TASP1: variants seen among roughly 807,000 people sequenced by gnomAD.
TASP1 encodes taspase 1.
In TASP1, 16 loss-of-function variants were observed where a neutral mutation model predicts 56.6. The ratio of observed to expected loss-of-function variants is 0.28; its 90% CI spans 0.19 to 0.43. The LOEUF is 0.43. Ranked by LOEUF, TASP1 falls within the 20% of genes least tolerant of loss-of-function variation. The pLI, the probability that TASP1 is intolerant of heterozygous loss-of-function variation, is 1.00. For missense variants in TASP1, 393 were observed against 511.6 expected (o/e 0.77, Z 2.24); for synonymous variants, 179 against 184.2 (o/e 0.97, Z 0.23).
chr20:13,205,728 A>G, the TASP1 span, among the ~76,000 whole-genome samples: 1 of 152,114 alleles, frequency 6.6e-6, no homozygotes, highest in Non-Finnish European at 1.5e-5. Flanking sequence ...TTAGGGCTTC[A>G]ATGCATGAAT....
the TASP1 span, among the ~76,000 whole-genome samples, chr20:13,273,074 T>C: frequency 6.6e-6 from 1 of 152,316 alleles, no homozygotes; most frequent in African/African-American, 2.4e-5. Flanking sequence ...TGCCGGGGAC[T>C]GTTCCTTCAT....
intron 8 of TASP1, among the ~76,000 whole-genome samples, chr20:13,551,217 CTTGT>C (rs2045971997): frequency 6.6e-6 from 1 of 152,090 alleles, no homozygotes; most frequent in East Asian, 1.9e-4. Flanking sequence ...AATTTTTTAA[CTTGT>C]TTATTAAAAA....
At chr20:13,253,721 T>C in the TASP1 span, among the ~76,000 whole-genome samples, 342 of 152,282 alleles carry the variant, frequency 2.2e-3, 3 homozygotes, top group African/African-American at 7.3e-3. Context: ...GGCCCCCATT[T>C]TGAGAACACA....
the TASP1 span, chr20:13,164,452 A>G: frequency 1.6e-5 from 8 of 508,048 alleles, no homozygotes; most frequent in Admixed American, 1.9e-4. Context: ...ACATTTTAAA[A>G]TAAAACCTTT....
At chr20:13,272,757 T>A in the TASP1 span, among the ~76,000 whole-genome samples, 3 of 152,166 alleles carry the variant, frequency 2.0e-5, no homozygotes, top group African/African-American at 7.2e-5. Flanking sequence ...ATGGAACCCT[T>A]TGGAATAGGT....
At chr20:13,332,128 T>C in the TASP1 span, among the ~76,000 whole-genome samples, 2 of 152,222 alleles carry the variant, frequency 1.3e-5, no homozygotes, top group Non-Finnish European at 2.9e-5. Flanking sequence ...GGACAATTTC[T>C]GACAATGTTC....
At chr20:13,422,095 G>A (rs553720624) in intron 12 of TASP1, among the ~76,000 whole-genome samples, 57 of 151,876 alleles carry the variant, frequency 3.8e-4, no homozygotes, top group Admixed American at 2.4e-3. Flanking sequence ...CGGACTACAG[G>A]CGCCCACCAC....
intron 4 of TASP1, among the ~76,000 whole-genome samples, chr20:13,613,395 T>C (rs8118084): frequency 5.5e-4 from 83 of 152,268 alleles, no homozygotes; most frequent in African/African-American, 1.8e-3. Flanking sequence ...TATGAACGTG[T>C]TGTGCCGAAA....
the TASP1 span, among the ~76,000 whole-genome samples, chr20:13,298,243 T>C: frequency 6.6e-6 from 1 of 152,142 alleles, no homozygotes; most frequent in Non-Finnish European, 1.5e-5. Flanking sequence ...GTAGCTGGGA[T>C]TACAGGCGCA....
At chr20:13,272,325 A>G in the TASP1 span, among the ~76,000 whole-genome samples, 5 of 152,186 alleles carry the variant, frequency 3.3e-5, no homozygotes, top group Non-Finnish European at 7.3e-5. Context: ...TCATGGGAGC[A>G]CGCAAATCTC....
At chr20:13,320,179 C>G in the TASP1 span, among the ~76,000 whole-genome samples, 1 of 152,194 alleles carries the variant, frequency 6.6e-6, no homozygotes, top group Non-Finnish European at 1.5e-5. Context: ...CTCATGGGTC[C>G]TGGAAGAGCA....
the TASP1 span, among the ~76,000 whole-genome samples, chr20:13,214,889 G>A: frequency 6.6e-6 from 1 of 152,146 alleles, no homozygotes; most frequent in African/African-American, 2.4e-5. Flanking sequence ...GATGGCGCAA[G>A]GAGCCAGACA....
chr20:13,352,946 C>G, the TASP1 span, among the ~76,000 whole-genome samples: 3 of 152,234 alleles, frequency 2.0e-5, no homozygotes, highest in Admixed American at 2.0e-4. Flanking sequence ...ATAAAAGGTG[C>G]CTTCCCTGGA....
chr20:13,386,751 T>C (rs1405185088), downstream of TASP1, among the ~76,000 whole-genome samples: 1 of 152,212 alleles, frequency 6.6e-6, no homozygotes, highest in Non-Finnish European at 1.5e-5. Context: ...CCAAAATTCA[T>C]TCACTTTGCT....
At chr20:13,237,521 C>G in the TASP1 span, among the ~76,000 whole-genome samples, 4 of 152,186 alleles carry the variant, frequency 2.6e-5, no homozygotes, top group South Asian at 8.3e-4. Flanking sequence ...GAAAAAGGAA[C>G]CTGTGCTGTT....
chr20:13,359,193 T>C, the TASP1 span, among the ~76,000 whole-genome samples: 1,293 of 132,002 alleles, frequency 9.8e-3, 102 homozygotes, highest in African/African-American at 0.041. Flanking sequence ...TGAACCGCAG[T>C]GGCCAGGCAT....
At chr20:13,279,845 A>T in the TASP1 span, 1 of 1,613,674 alleles carries the variant, frequency 6.2e-7, no homozygotes, top group Non-Finnish European at 8.5e-7. Context: ...AGGGGGTGGG[A>T]CCATACAGCC....
the TASP1 span, chr20:13,270,660 T>C: frequency 6.2e-7 from 1 of 1,613,904 alleles, no homozygotes; most frequent in South Asian, 1.1e-5. Context: ...GCAAAGAGAT[T>C]TCCCCAGATC....
chr20:13,626,188 G>T (rs1042619396), intron 2 of TASP1, among the ~76,000 whole-genome samples: 2 of 152,196 alleles, frequency 1.3e-5, no homozygotes, highest in African/African-American at 4.8e-5. Flanking sequence ...ACTTTGGGAG[G>T]CTGAGGCGGG....
Sources: gnomAD v4.1 joint callset for allele counts (sites outside exome capture counted in the v4.1 genomes callset) on GRCh38, gnomAD v4.1.1 for gene constraint, MANE v1.5 for transcripts, NCBI Gene and HGNC (gene_info 2026-07-23, HGNC 2026-07-21) for gene names.